ACOXL: variants seen among roughly 807,000 people sequenced by gnomAD.
ACOXL encodes the protein acyl-CoA oxidase like.
In ACOXL, 70 loss-of-function variants were observed where a neutral mutation model predicts 71.9. The ratio of observed to expected loss-of-function variants is 0.97; its 90% CI spans 0.80 to 1.19. The LOEUF (loss-of-function observed/expected upper bound fraction) is 1.19, where lower values mean the gene tolerates loss of function less well. ACOXL is among the 50% of genes most tolerant of loss of function. The pLI is 0.00. For missense variants in ACOXL, 703 were observed against 736.3 expected, an observed-to-expected ratio of 0.95 and a Z score of 0.52; for synonymous variants, 253 against 281.6, an observed-to-expected ratio of 0.90 and a Z score of 1.02.
At chr2:110,743,405 T>A (rs753851337) in intron 1 of ACOXL, among the ~76,000 whole-genome samples, 1 of 152,258 alleles carries the variant, frequency 6.6e-6, no homozygotes, top group Non-Finnish European at 1.5e-5. Context: ...ACCCAGTCCC[T>A]ACATTTTTTT....
intron 1 of ACOXL, among the ~76,000 whole-genome samples, chr2:110,735,692 C>A (rs1676747218): frequency 6.6e-6 from 1 of 152,182 alleles, no homozygotes; most frequent in African/African-American, 2.4e-5. Flanking sequence ...CCGGGAGCAT[C>A]CTGGCTGCTG....
chr2:110,798,571 TG>T, intron 5 of ACOXL, 38 bp from the exon 6 acceptor site: 1 of 1,535,284 alleles, frequency 6.5e-7, no homozygotes, highest in Non-Finnish European at 9.0e-7. Flanking sequence ...AAATGAGCCA[TG>T]GGAAGGGAAA....
At chr2:111,064,227 G>A (rs2149894741) in intron 16 of ACOXL, among the ~76,000 whole-genome samples, 1 of 152,222 alleles carries the variant, frequency 6.6e-6, no homozygotes, top group East Asian at 1.9e-4. Flanking sequence ...ACGAGGTCAG[G>A]AGATCGAGAC....
At chr2:110,900,088 C>CACACACACACACACAT (rs1196994962) in intron 10 of ACOXL, among the ~76,000 whole-genome samples, 1 of 20,630 alleles carries the variant, frequency 4.8e-5, no homozygotes, top group Admixed American at 6.2e-4. Context: ...CACACACATA[C>CACACACACACACACAT]ACACACACAC....
intron 10 of ACOXL, among the ~76,000 whole-genome samples, chr2:110,903,968 G>A (rs2059345966): frequency 6.6e-6 from 1 of 152,248 alleles, no homozygotes; most frequent in Admixed American, 6.5e-5. Context: ...GCATGGGGCT[G>A]ATGGTGGCAG....
intron 10 of ACOXL, among the ~76,000 whole-genome samples, chr2:110,867,858 G>A (rs1694797527): frequency 6.6e-6 from 1 of 152,104 alleles, no homozygotes; most frequent in South Asian, 2.1e-4. Flanking sequence ...TGCCTCTTGG[G>A]CTCACGCCAT....
intron 10 of ACOXL, among the ~76,000 whole-genome samples, chr2:110,906,230 G>A (rs2059436225): frequency 6.6e-6 from 1 of 152,086 alleles, no homozygotes; most frequent in African/African-American, 2.4e-5. Context: ...AAATTTTGAT[G>A]AGATGCTGTT....
At chr2:110,911,681 C>T (rs990820011) in intron 11 of ACOXL, among the ~76,000 whole-genome samples, 6 of 151,994 alleles carry the variant, frequency 3.9e-5, no homozygotes, top group African/African-American at 1.2e-4. Context: ...GATAAAAACG[C>T]TCAACAAACT....
intron 9 of ACOXL, among the ~76,000 whole-genome samples, chr2:110,833,663 C>G (rs1217104189): frequency 6.6e-6 from 1 of 152,116 alleles, no homozygotes; most frequent in Admixed American, 6.6e-5. Context: ...AAATAAACAG[C>G]CTGATTTAAA....
At chr2:110,785,175 TAAA>T (rs1312658150) in intron 3 of ACOXL, among the ~76,000 whole-genome samples, 2 of 152,168 alleles carry the variant, frequency 1.3e-5, no homozygotes, top group African/African-American at 4.8e-5. Context: ...AATTTTAAAA[TAAA>T]AACCTTTTCA....
intron 11 of ACOXL, among the ~76,000 whole-genome samples, chr2:110,909,855 G>A (rs1053451015): frequency 1.3e-5 from 2 of 151,532 alleles, no homozygotes; most frequent in Non-Finnish European, 2.9e-5. Flanking sequence ...GTGTTCCAAG[G>A]TGCAAGGACA....
chr2:110,999,354 C>T (rs1398673058), intron 14 of ACOXL, among the ~76,000 whole-genome samples: 1 of 152,148 alleles, frequency 6.6e-6, no homozygotes, highest in East Asian at 1.9e-4. Flanking sequence ...AATATGGTCA[C>T]ATCCTGAGGT....
intron 14 of ACOXL, among the ~76,000 whole-genome samples, chr2:111,005,568 A>G (rs2063834567): frequency 6.6e-6 from 1 of 152,136 alleles, no homozygotes; most frequent in South Asian, 2.1e-4. Flanking sequence ...AACATAATAA[A>G]CCGCAGTACT....
intron 10 of ACOXL, among the ~76,000 whole-genome samples, chr2:110,853,913 G>GT (rs35717647): frequency 5.7e-4 from 81 of 142,282 alleles, no homozygotes; most frequent in Middle Eastern, 3.6e-3. Flanking sequence ...TAGGACACTT[G>GT]TTTTTTTTTT....
intron 1 of ACOXL, among the ~76,000 whole-genome samples, chr2:110,749,152 C>T (rs1678603782): frequency 6.6e-6 from 1 of 152,114 alleles, no homozygotes; most frequent in African/African-American, 2.4e-5. Context: ...ATGTGTTTTC[C>T]ACTAGATCAA....
chr2:110,970,354 G>A (rs954723349), intron 12 of ACOXL, among the ~76,000 whole-genome samples: 14 of 152,284 alleles, frequency 9.2e-5, no homozygotes, highest in African/African-American at 3.4e-4. Flanking sequence ...TCAATCAAAT[G>A]CAATCCACCA....
chr2:110,762,149 A>T (rs1680485782), intron 1 of ACOXL, among the ~76,000 whole-genome samples: 1 of 152,172 alleles, frequency 6.6e-6, no homozygotes, highest in African/African-American at 2.4e-5. Flanking sequence ...TGATATAAAT[A>T]TAACCATTTC....
intron 15 of ACOXL, among the ~76,000 whole-genome samples, chr2:111,037,757 C>T (rs1344592585): frequency 1.3e-5 from 2 of 152,134 alleles, no homozygotes; most frequent in African/African-American, 4.8e-5. Flanking sequence ...GACTTTGCCC[C>T]GGGGCCAGTT....
In ACOXL at chr2:111,092,972, G is replaced by T. The variant is rs1314251830; in HGVS notation, c.1542+6G>T. 5.0e-6 allele frequency: 8 copies of T among 1,611,690 alleles called. No individual in the cohort carries two copies. The highest frequency in any genetic ancestry group is 6.8e-6 in the Non-Finnish European group (8 of 1,178,194). On this transcript the variant is annotated splice_donor_region_variant and intron_variant, in intron 17 of 17. Transcript: ENST00000439055. ...GCACGAGGATCAGGAATCAGGTAAG[G>T]TCCCTGGGGTACAGAAAAACACTTT...
Sources: gnomAD v4.1 joint callset for allele counts (sites outside exome capture counted in the v4.1 genomes callset) on GRCh38, gnomAD v4.1.1 for gene constraint, MANE v1.5 for transcripts, NCBI Gene and HGNC (gene_info 2026-07-23, HGNC 2026-07-21) for gene names.